PITPNC1: variants seen among roughly 807,000 people sequenced by gnomAD.
PITPNC1 encodes the protein phosphatidylinositol transfer protein cytoplasmic 1.
Under a neutral mutation model 44.7 loss-of-function variants are expected in PITPNC1, and 18 were observed. The observed-to-expected ratio is 0.40, with a 90% CI of 0.28 to 0.60. The LOEUF (loss-of-function observed/expected upper bound fraction) is 0.60, where lower values mean the gene tolerates loss of function less well. PITPNC1 is among the 20% of genes least tolerant of loss of function. PITPNC1 has a pLI of 0.39. For synonymous variants in PITPNC1, 141 were observed against 149.6 expected (o/e 0.94, Z 0.42); for missense variants, 290 against 418.4 (o/e 0.69, Z 2.68).
chr17:67,616,141 T>TTGTA (rs1472934550), intron 5 of PITPNC1, among the ~76,000 whole-genome samples: 2 of 152,068 alleles, frequency 1.3e-5, no homozygotes, highest in Non-Finnish European at 2.9e-5. Flanking sequence ...TCTTTTTTGT[T>TTGTA]TGTTTGTTTG....
intron 1 of PITPNC1, among the ~76,000 whole-genome samples, chr17:67,487,807 G>C (rs1471986741): frequency 6.6e-6 from 1 of 152,176 alleles, no homozygotes; most frequent in African/African-American, 2.4e-5. Flanking sequence ...TGCACGGCCA[G>C]AGTTCACACA....
intron 1 of PITPNC1, among the ~76,000 whole-genome samples, chr17:67,519,122 A>C (rs1449651425): frequency 1.3e-5 from 2 of 151,322 alleles, no homozygotes; most frequent in African/African-American, 2.4e-5. Context: ...CAAAGTAATT[A>C]AAAGCAGAGA....
intron 5 of PITPNC1, among the ~76,000 whole-genome samples, chr17:67,609,338 C>T (rs1253613987): frequency 4.7e-5 from 7 of 147,702 alleles, no homozygotes; most frequent in Non-Finnish European, 7.4e-5. Context: ...TTGCCCAGGC[C>T]GGGTGCAATG....
At chr17:67,486,523 G>C (rs2039780473) in intron 1 of PITPNC1, among the ~76,000 whole-genome samples, 1 of 152,166 alleles carries the variant, frequency 6.6e-6, no homozygotes, top group South Asian at 2.1e-4. Context: ...GGATACTGCT[G>C]TCCATATGTT....
At chr17:67,445,352 T>C (rs1311651783) in intron 1 of PITPNC1, among the ~76,000 whole-genome samples, 4 of 151,950 alleles carry the variant, frequency 2.6e-5, no homozygotes, top group Non-Finnish European at 5.9e-5. Context: ...GGGAGGAAGA[T>C]CAGAGATACA....
chr17:67,626,192 C>T (rs573690721), intron 5 of PITPNC1, among the ~76,000 whole-genome samples: 1 of 151,958 alleles, frequency 6.6e-6, no homozygotes, highest in South Asian at 2.1e-4. Flanking sequence ...TGCTATGTTG[C>T]CCAGGCTGGT....
At chr17:67,448,636 G>A (rs189455359) in intron 1 of PITPNC1, among the ~76,000 whole-genome samples, 1 of 152,272 alleles carries the variant, frequency 6.6e-6, no homozygotes, top group East Asian at 1.9e-4. Flanking sequence ...ATTCTCTTCT[G>A]TCAGAGTCCA....
chr17:67,391,088 TA>T (rs2038132180), intron 1 of PITPNC1, among the ~76,000 whole-genome samples: 1 of 151,988 alleles, frequency 6.6e-6, no homozygotes, highest in Non-Finnish European at 1.5e-5. Flanking sequence ...TGTGTGTGTT[TA>T]ATCTTTTTAA....
At chr17:67,617,171 A>G (rs1041600634) in intron 5 of PITPNC1, among the ~76,000 whole-genome samples, 8 of 152,198 alleles carry the variant, frequency 5.3e-5, no homozygotes, top group African/African-American at 1.9e-4. Context: ...GGCTACAGGG[A>G]CGGTCTTAAT....
chr17:67,488,392 C>G (rs1433593063), intron 1 of PITPNC1, among the ~76,000 whole-genome samples: 1 of 152,158 alleles, frequency 6.6e-6, no homozygotes, highest in Non-Finnish European at 1.5e-5. Flanking sequence ...GGGGGAGTTA[C>G]AAGGCTCTGT....
chr17:67,394,464 T>C (rs2038185940), intron 1 of PITPNC1, among the ~76,000 whole-genome samples: 1 of 152,246 alleles, frequency 6.6e-6, no homozygotes, highest in African/African-American at 2.4e-5. Flanking sequence ...CTAGATACTT[T>C]CTTGGATAGT....
intron 4 of PITPNC1, among the ~76,000 whole-genome samples, chr17:67,574,835 G>A (rs1010779442): frequency 2.0e-5 from 3 of 152,030 alleles, no homozygotes; most frequent in African/African-American, 7.3e-5. Context: ...GTACTGACCC[G>A]CTTGGAGTTA....
At chr17:67,674,699 TA>T (rs2042572277) in intron 7 of PITPNC1, among the ~76,000 whole-genome samples, 1 of 151,894 alleles carries the variant, frequency 6.6e-6, no homozygotes, top group African/African-American at 2.4e-5. Context: ...GAGGGAATGT[TA>T]AGTGCTGTTT....
In PITPNC1 at chr17:67,397,098, A is replaced by G. The variant is rs8070019; in HGVS notation, c.48+18896A>G. 1.8e-3 allele frequency among the ~76,000 whole-genome samples: 274 copies of G among 152,224 alleles called. 2 individuals are homozygous for G. Among genetic ancestry groups the G allele is most frequent in the African/African-American group, 6.2e-3 (259 of 41,546 alleles). Reference sequence around the variant, plus strand: ...CAGGTTCAAGCGATTCTCCTGCCTCAGCCTCCCAAGTAGCTGGGATTACAG... The same window carrying G: ...CAGGTTCAAGCGATTCTCCTGCCTCGGCCTCCCAAGTAGCTGGGATTACAG... On this transcript the variant is annotated intron_variant, in intron 1 of 8. Transcript: ENST00000581322.
rs1257557976 is a variant in PITPNC1 at position 67,405,073 on chromosome 17, C to A, written c.48+26871C>A. The stretch of plus-strand genomic sequence containing the variant: ...GCTAGCCTGGCCAACATGGTGAAAC[C>A]CTGTGTCTACTAAAAATACAAAAAT... On this transcript the variant is annotated intron_variant, in intron 1 of 8. Transcript: ENST00000581322. Among the ~76,000 whole-genome samples, 3 of 152,078 alleles carry A rather than the reference C, an allele frequency of 2.0e-5. No individual in the cohort carries two copies. The South Asian group carries it at 6.2e-4, about 32-fold the overall frequency.
At chr17:67,632,565 C>G in intron 6 of PITPNC1, 3 of 217,322 alleles carry the variant, frequency 1.4e-5, no homozygotes, top group Non-Finnish European at 2.7e-5. Flanking sequence ...CAATTACATG[C>G]GCTCTTTTTT....
intron 1 of PITPNC1, among the ~76,000 whole-genome samples, chr17:67,432,758 T>C (rs1451627346): frequency 6.6e-6 from 1 of 152,242 alleles, no homozygotes; most frequent in Non-Finnish European, 1.5e-5. Context: ...CTCGATTTCC[T>C]GAGTGATCTT....
chr17:67,686,582 T>C (rs79339730), intron 8 of PITPNC1, among the ~76,000 whole-genome samples: 3,333 of 152,238 alleles, frequency 0.022, 94 homozygotes, highest in African/African-American at 0.068. Context: ...GTGAATATCA[T>C]TGCTCTGCCT....
intron 5 of PITPNC1, among the ~76,000 whole-genome samples, chr17:67,588,009 T>C (rs1266742923): frequency 6.6e-6 from 1 of 152,226 alleles, no homozygotes; most frequent in African/African-American, 2.4e-5. Context: ...GTTTTCTTTC[T>C]TTTTTATTTT....
Sources: gnomAD v4.1 joint callset for allele counts (sites outside exome capture counted in the v4.1 genomes callset) on GRCh38, gnomAD v4.1.1 for gene constraint, MANE v1.5 for transcripts, NCBI Gene and HGNC (gene_info 2026-07-23, HGNC 2026-07-21) for gene names.